Variants in ADAMTSL1 observed in about 807,000 individuals in gnomAD.
ADAMTSL1 encodes the protein ADAMTS-like protein 1.
A neutral mutation model predicts 201.8 loss-of-function variants in ADAMTSL1; 126 were observed. The observed-to-expected ratio is 0.62, with a 90% confidence interval of 0.54 to 0.72. The LOEUF (loss-of-function observed/expected upper bound fraction) is 0.72, where lower values mean the gene tolerates loss of function less well. Among genes scored for constraint, ADAMTSL1 ranks in the 30% least tolerant of loss-of-function variants. The probability of loss-of-function intolerance (pLI) is 0.00; values close to 1 mark genes in which losing one functional copy is unlikely to be tolerated. For synonymous variants in ADAMTSL1, 1,121 were observed against 903.4 expected (o/e 1.24, Z -4.32); for missense variants, 2,679 against 2,277.8 (o/e 1.18, Z -3.59).
intron 23 of ADAMTSL1, among the ~76,000 whole-genome samples, chr9:18,881,426 G>A (rs892031650): frequency 6.6e-6 from 1 of 152,194 alleles, no homozygotes; most frequent in African/African-American, 2.4e-5. Flanking sequence ...CATCTCAGGG[G>A]ATAGGGAGGT....
At chr9:18,356,431 G>C (rs1476969835) in intron 2 of ADAMTSL1, among the ~76,000 whole-genome samples, 1 of 150,468 alleles carries the variant, frequency 6.6e-6, no homozygotes, top group Non-Finnish European at 1.5e-5. Context: ...GGGATGCTAA[G>C]GCAGGAAGGT....
intron 2 of ADAMTSL1, chr9:18,362,163 C>T (rs928077934): frequency 6.6e-6 from 1 of 152,160 alleles, no homozygotes; most frequent in Admixed American, 6.5e-5. Context: ...TAGATTCTCT[C>T]CCAGCTAAAA....
At chr9:18,513,604 A>G (rs940702083) in intron 2 of ADAMTSL1, among the ~76,000 whole-genome samples, 7 of 152,154 alleles carry the variant, frequency 4.6e-5, no homozygotes, top group Admixed American at 2.6e-4. Context: ...TGTATTTTCC[A>G]GTTGGAGTTT....
chr9:18,720,709 G>C (rs1833292121), intron 14 of ADAMTSL1, among the ~76,000 whole-genome samples: 1 of 152,168 alleles, frequency 6.6e-6, no homozygotes, highest in Non-Finnish European at 1.5e-5. Flanking sequence ...CTTGAACCCG[G>C]AAGGCAGAGG....
rs753541544 is a variant in ADAMTSL1, at chr9:18,777,525, A to G, written c.3296A>G (p.His1099Arg). 1 of 1,602,034 alleles carries G rather than the reference A, an allele frequency of 6.2e-7. No homozygotes were observed. Among genetic ancestry groups the G allele is most frequent in the Non-Finnish European group, 8.5e-7 (1 of 1,174,670 alleles). ...GAGCTGCGCGACCTCTACAGCAAGCACCTGGTGGCCCAGCTGGCCCAGGAG... is the reference window on the plus strand; with the variant it reads ...GAGCTGCGCGACCTCTACAGCAAGCGCCTGGTGGCCCAGCTGGCCCAGGAG... ...PEELRDLYSK[H>R]LVAQLAQEIF... is the part of the protein sequence containing the mutation. Residue 1099 changes from histidine (H) to arginine (R), a missense_variant, in exon 19 of 29, where the codon CAC becomes CGC. Coordinates refer to ENST00000380548, the MANE Select transcript of ADAMTSL1 (RefSeq NM_001040272.6).
chr9:18,422,582 G>A (rs1819007786), intron 2 of ADAMTSL1, among the ~76,000 whole-genome samples: 1 of 152,094 alleles, frequency 6.6e-6, no homozygotes, highest in African/African-American at 2.4e-5. Context: ...ACCACGCACT[G>A]TGTGCCCCTG....
At chr9:18,395,074 A>C (rs893479924) in intron 2 of ADAMTSL1, among the ~76,000 whole-genome samples, 4 of 152,168 alleles carry the variant, frequency 2.6e-5, no homozygotes, top group Admixed American at 2.6e-4. Flanking sequence ...TGCATTTTTC[A>C]GGACAGATCT....
At chr9:18,287,494 G>T (rs1439055198) in intron 2 of ADAMTSL1, among the ~76,000 whole-genome samples, 2 of 150,898 alleles carry the variant, frequency 1.3e-5, no homozygotes, top group African/African-American at 4.9e-5. Context: ...TGTAATGCAT[G>T]TATTTATATG....
intron 7 of ADAMTSL1, among the ~76,000 whole-genome samples, chr9:18,653,398 GACA>G (rs1239172854): frequency 1.3e-5 from 2 of 152,120 alleles, no homozygotes; most frequent in African/African-American, 4.8e-5. Context: ...TCGTTCTTTA[GACA>G]ACATTATACC....
At chr9:18,152,477 G>T (rs771478359) in intron 1 of ADAMTSL1, among the ~76,000 whole-genome samples, 1 of 152,014 alleles carries the variant, frequency 6.6e-6, no homozygotes, top group Non-Finnish European at 1.5e-5. Flanking sequence ...TAAAAGAATT[G>T]CAGGGCAAGA....
chr9:18,654,312 G>C (rs114097195), intron 7 of ADAMTSL1, among the ~76,000 whole-genome samples: 1 of 152,206 alleles, frequency 6.6e-6, no homozygotes, highest in East Asian at 1.9e-4. Context: ...ATAAAATCAA[G>C]TGATCAGTAA....
At chr9:18,662,218 G>T (rs546597555) in intron 9 of ADAMTSL1, 145 bp downstream of exon 9, 4 of 1,081,280 alleles carry the variant, frequency 3.7e-6, no homozygotes. Context: ...TACTAATCAC[G>T]TGTTATTAGT....
chr9:17,997,848 C>G (rs1819446598), intron 1 of ADAMTSL1, among the ~76,000 whole-genome samples: 3 of 151,986 alleles, frequency 2.0e-5, no homozygotes, highest in South Asian at 4.1e-4. Context: ...TCTTACTGAT[C>G]TCTTGTCTTC....
At chr9:17,971,043 A>T (rs1325713344) in intron 1 of ADAMTSL1, among the ~76,000 whole-genome samples, 1 of 152,126 alleles carries the variant, frequency 6.6e-6, no homozygotes, top group Non-Finnish European at 1.5e-5. Context: ...CTGTTTGCAC[A>T]CATACATATA....
In ADAMTSL1 at chr9:18,621,901, GT is replaced by G. The variant is rs1447673699; in HGVS notation, c.475-340del. Reference sequence around the variant, plus strand: ...GTGCATCATAATTATTAACATAGGAGTTATTCTTGAATTAAGGCCCTAAAAC... The same window carrying G: ...GTGCATCATAATTATTAACATAGGAGTATTCTTGAATTAAGGCCCTAAAAC... On this transcript the variant is annotated intron_variant, in intron 4 of 28. Transcript: ENST00000380548. Among the ~76,000 whole-genome samples the G allele has an allele frequency of 3.9e-5, 6 of 152,162 alleles. No individual in the cohort carries two copies. The East Asian group carries it at 1.2e-3, about 29-fold the overall frequency.
intron 8 of ADAMTSL1, among the ~76,000 whole-genome samples, chr9:18,661,201 A>T (rs904785285): frequency 6.6e-6 from 1 of 152,186 alleles, no homozygotes; most frequent in Non-Finnish European, 1.5e-5. Flanking sequence ...ACTTTTTTTA[A>T]GAGAGGCTTC....
chr9:18,802,982 A>T (rs907206479), intron 20 of ADAMTSL1, among the ~76,000 whole-genome samples: 1 of 152,196 alleles, frequency 6.6e-6, no homozygotes, highest in African/African-American at 2.4e-5. Flanking sequence ...TTATGTGTTT[A>T]TGAGTCATTT....
At chr9:18,408,183 T>A (rs1321159966) in intron 2 of ADAMTSL1, among the ~76,000 whole-genome samples, 4 of 152,116 alleles carry the variant, frequency 2.6e-5, no homozygotes, top group African/African-American at 9.7e-5. Flanking sequence ...AGAAGTATAT[T>A]AAGGGCCAGG....
At chr9:18,386,446 G>A (rs958375882) in intron 2 of ADAMTSL1, among the ~76,000 whole-genome samples, 14 of 152,124 alleles carry the variant, frequency 9.2e-5, no homozygotes, top group Non-Finnish European at 1.2e-4. Flanking sequence ...TTACTTCTGT[G>A]TTCCCCACAA....
Sources: gnomAD v4.1 joint callset for allele counts (sites outside exome capture counted in the v4.1 genomes callset) on GRCh38, gnomAD v4.1.1 for gene constraint, MANE v1.5 for transcripts, NCBI Gene and HGNC (gene_info 2026-07-23, HGNC 2026-07-21) for gene names.